Variants in NDRG4 observed in about 807,000 individuals in gnomAD.
NDRG4 encodes the protein NDRG family member 4.
In NDRG4, 38 loss-of-function variants were observed where a neutral mutation model predicts 55.8. The ratio of observed to expected loss-of-function variants is 0.68; its 90% CI spans 0.53 to 0.89. The LOEUF is 0.89. NDRG4 is among the 40% of genes least tolerant of loss of function. The pLI, the probability that NDRG4 is intolerant of heterozygous loss-of-function variation, is 0.00. For synonymous variants in NDRG4, 190 were observed against 182.7 expected, an observed-to-expected ratio of 1.04 and a Z score of -0.32; for missense variants, 455 against 468.6, an observed-to-expected ratio of 0.97 and a Z score of 0.27.
intron 1 of NDRG4, among the ~76,000 whole-genome samples, chr16:58,475,127 C>A (rs2151594024): frequency 6.6e-6 from 1 of 152,274 alleles, no homozygotes; most frequent in East Asian, 1.9e-4. Flanking sequence ...ACTCAGTTTA[C>A]CTGTTTGAAT....
At chr16:58,488,450 C>T (rs1321973228) in intron 2 of NDRG4, among the ~76,000 whole-genome samples, 2 of 152,352 alleles carry the variant, frequency 1.3e-5, no homozygotes, top group African/African-American at 4.8e-5. Context: ...CCCTTTCCCT[C>T]CCTCCCAGTG....
At chr16:58,513,917 C>A (rs2039037432), downstream of NDRG4, among the ~76,000 whole-genome samples, 2 of 152,094 alleles carry the variant, frequency 1.3e-5, no homozygotes, top group African/African-American at 4.8e-5. Context: ...GAGATCGTGC[C>A]ACTGCACTCC....
intron 1 of NDRG4, among the ~76,000 whole-genome samples, chr16:58,483,168 A>G (rs898383374): frequency 2.6e-5 from 4 of 152,094 alleles, no homozygotes; most frequent in Admixed American, 6.5e-5. Flanking sequence ...TTTTTTCTGT[A>G]GGATGTATAA....
In NDRG4 at chr16:58,506,689, C is replaced by T. The variant is rs9939324; in HGVS notation, c.516+75C>T. Reference sequence around the variant, plus strand: ...CCCAGCTGGCTCGGTAGGAGGCAGGCGGGTGTCTTTGGCATCTGACCTGGC... The same window carrying T: ...CCCAGCTGGCTCGGTAGGAGGCAGGTGGGTGTCTTTGGCATCTGACCTGGC... On this transcript the variant is annotated intron_variant, in intron 7 of 14. Transcript: ENST00000570248. 14,475 of 1,492,890 alleles carry T rather than the reference C, an allele frequency of 9.7e-3. 900 individuals carry two copies. The African/African-American group carries it at 0.16, about 16-fold the overall frequency. The allele number at this position is 1,492,890 out of a possible 1,614,324, so 92.5% of individuals were successfully genotyped here. A position where few individuals can be genotyped will look rare whatever the true frequency, so the allele number is the denominator to read the frequency against.
intron 1 of NDRG4, chr16:58,475,572 A>G (rs1567570640): frequency 2.2e-6 from 1 of 454,854 alleles, no homozygotes; most frequent in Non-Finnish European, 4.4e-6. Flanking sequence ...CATGGTAATA[A>G]TAAGTAAGAT....
At chr16:58,498,618 C>T (rs1251180981), upstream of NDRG4, among the ~76,000 whole-genome samples, 2 of 152,166 alleles carry the variant, frequency 1.3e-5, no homozygotes, top group Admixed American at 6.5e-5. Flanking sequence ...TAGACCCACC[C>T]GGCCCTTGTT....
In NDRG4 at chr16:58,505,713, C is replaced by CTTTTTTTTTTTTTTTTTTTTTTTTTTTTT. The variant is rs1028370131; in HGVS notation, c.373-648_373-647insTTTTTTTTTTTTTTTTTTTTTTTTTTTTT. Among the ~76,000 whole-genome samples the CTTTTTTTTTTTTTTTTTTTTTTTTTTTTT allele has an allele frequency of 1.5e-4, 9 of 58,660 alleles. 1 individual carries two copies. The highest frequency in any genetic ancestry group is 6.9e-4 in the African/African-American group (9 of 13,052). The allele number at this position is 58,660 out of a possible 152,430, so 38.5% of individuals were successfully genotyped here. A position where few individuals can be genotyped will look rare whatever the true frequency, so the allele number is the denominator to read the frequency against. ...ATTTATATCATGAGGGCTTCATTTT[C>CTTTTTTTTTTTTTTTTTTTTTTTTTTTTT]TTTTTTTTTTTTTTTTTTTTTTTTT... On this transcript the variant is annotated intron_variant, in intron 5 of 14. Transcript: ENST00000570248.
chr16:58,504,383 G>A lies in NDRG4; in HGVS notation c.273G>A (p.Gln91=). The A allele has an allele frequency of 6.2e-7, 1 of 1,613,178 alleles. No individual in the cohort carries two copies. The highest frequency in any genetic ancestry group is 8.5e-7 in the Non-Finnish European group (1 of 1,180,022). Residue 91 remains glutamine, a synonymous_variant, in exon 4 of 15, where the codon CAG becomes CAA. Coordinates refer to ENST00000570248, the MANE Select transcript of NDRG4 (RefSeq NM_001242835.2). ...PQGYQFPSME[Q]LAAMLPSVVQ... Reference sequence around the variant, plus strand: ...GGTACCAGTTCCCCTCCATGGAGCAGCTGGCTGCCATGCTCCCCAGCGTGG... The same window carrying A: ...GGTACCAGTTCCCCTCCATGGAGCAACTGGCTGCCATGCTCCCCAGCGTGG...
chr16:58,488,928 T>A (rs2035448070), intron 2 of NDRG4, among the ~76,000 whole-genome samples: 1 of 152,316 alleles, frequency 6.6e-6, no homozygotes, highest in Admixed American at 6.5e-5. Flanking sequence ...TGAGCCTCCA[T>A]CAGCTGCTAC....
At chr16:58,496,729 C>T (rs887738003), upstream of NDRG4, among the ~76,000 whole-genome samples, 1 of 152,128 alleles carries the variant, frequency 6.6e-6, no homozygotes, top group Non-Finnish European at 1.5e-5. Context: ...CCATGGGCCC[C>T]TCATATGGAC....
At position 58,513,607 on chromosome 16, in the gene NDRG4, C is replaced by CCTTATGTCCTCATTTCTG. The variant is rs2039016371; in HGVS notation, c.*2038_*2039insCCTCATTTCTGCTTATGT. 6.6e-6 allele frequency: 1 copy of CCTTATGTCCTCATTTCTG among 151,060 alleles called. No individual in the cohort carries two copies. The highest frequency in any genetic ancestry group is 1.5e-5 in the Non-Finnish European group (1 of 67,870). 9.4% of individuals were successfully genotyped at this position (151,060 alleles called of 1,614,324 possible). On this transcript the variant is annotated 3_prime_UTR_variant, in exon 15 of 15. Coordinates refer to ENST00000570248, the MANE Select transcript of NDRG4 (RefSeq NM_001242835.2). ...ATGAGAATGTCACAAACATTAAAAG[C>CCTTATGTCCTCATTTCTG]CTTATGTGCTCATTTCTGCTTATGT...
chr16:58,477,224 G>T (rs1026569538), intron 1 of NDRG4, among the ~76,000 whole-genome samples: 1 of 151,870 alleles, frequency 6.6e-6, no homozygotes, highest in African/African-American at 2.4e-5. Context: ...AGCTCTGCCT[G>T]CTAAGAGGGC....
intron 1 of NDRG4, chr16:58,501,824 G>C (rs2037164766): frequency 2.7e-6 from 1 of 365,658 alleles, no homozygotes; most frequent in Admixed American, 3.1e-5. Context: ...CTCCTCAGCA[G>C]CAGAGAGCAG....
chr16:58,469,803 C>T (rs2032415955), intron 1 of NDRG4, among the ~76,000 whole-genome samples: 1 of 152,206 alleles, frequency 6.6e-6, no homozygotes, highest in Admixed American at 6.5e-5. Context: ...TATATGTTAA[C>T]TCATCATCAT....
chr16:58,503,412 G>A (rs941917584), intron 1 of NDRG4, among the ~76,000 whole-genome samples: 1 of 152,204 alleles, frequency 6.6e-6, no homozygotes, highest in Non-Finnish European at 1.5e-5. Context: ...GCAGCAGGAA[G>A]TGCCTGAGAG....
chr16:58,487,725 A>G, intron 1 of NDRG4: 1 of 1,473,954 alleles, frequency 6.8e-7, no homozygotes, highest in Non-Finnish European at 9.1e-7. Flanking sequence ...TCCCCGCCGC[A>G]GCAGGCCTCA....
intron 2 of NDRG4, chr16:58,487,991 G>A (rs1039584605): frequency 8.5e-6 from 5 of 588,248 alleles, no homozygotes; most frequent in South Asian, 3.3e-5. Context: ...TGTGGGGGGA[G>A]TTCCGGCAGG....
rs75649417 is a variant in NDRG4 at position 58,494,404 on chromosome 16, C to T, written c.73-560C>T. Among the ~76,000 whole-genome samples the T allele has an allele frequency of 3.7e-4, 57 of 152,324 alleles. No homozygotes were observed. The East Asian group carries it at 0.011, about 29-fold the overall frequency. On this transcript the variant is annotated intron_variant, in intron 2 of 15. Transcript: ENST00000258187. ...TAGTCACGCCCACCTCCCCCCTTCC[C>T]TCCCTTCCTTCCACCCTTGTGGCCT...
At chr16:58,478,081 G>A (rs2033915292) in intron 1 of NDRG4, among the ~76,000 whole-genome samples, 2 of 152,126 alleles carry the variant, frequency 1.3e-5, no homozygotes, top group South Asian at 4.2e-4. Flanking sequence ...TGACTAACTG[G>A]CCAGTACTCT....
Sources: gnomAD v4.1 joint callset for allele counts (sites outside exome capture counted in the v4.1 genomes callset) on GRCh38, gnomAD v4.1.1 for gene constraint, MANE v1.5 for transcripts, NCBI Gene and HGNC (gene_info 2026-07-23, HGNC 2026-07-21) for gene names.